The following TACC1 variants were observed in gnomAD, a reference collection of about 807,000 sequenced individuals.
The protein encoded by TACC1 is transforming acidic coiled-coil containing protein 1, also known as transforming acidic coiled-coil-containing protein 1.
A neutral mutation model predicts 84.4 loss-of-function variants in TACC1; 48 were observed. The ratio of observed to expected loss-of-function variants is 0.57; its 90% CI spans 0.45 to 0.72. The LOEUF is 0.72. Ranked by LOEUF, TACC1 falls within the 30% of genes least tolerant of loss-of-function variation. The probability of loss-of-function intolerance (pLI) is 0.00; values close to 1 mark genes in which losing one functional copy is unlikely to be tolerated. For missense variants in TACC1, 920 were observed against 973.0 expected, an observed-to-expected ratio of 0.95 and a Z score of 0.72; for synonymous variants, 372 against 376.3, an observed-to-expected ratio of 0.99 and a Z score of 0.13.
chr8:38,735,774 C>T (rs1416663798), intron 1 of TACC1, among the ~76,000 whole-genome samples: 1 of 152,138 alleles, frequency 6.6e-6, no homozygotes, highest in African/African-American at 2.4e-5. Context: ...AGAGTGTTAC[C>T]TGCTGGGCTC....
intron 6 of TACC1, among the ~76,000 whole-genome samples, chr8:38,835,582 G>A (rs1005404898): frequency 2.0e-5 from 3 of 152,234 alleles, no homozygotes; most frequent in Non-Finnish European, 4.4e-5. Context: ...AGGTCGCTGC[G>A]GAGCAGCGGA....
At chr8:38,794,562 T>TTG (rs35760071) in intron 2 of TACC1, among the ~76,000 whole-genome samples, 372 of 150,492 alleles carry the variant, frequency 2.5e-3, no homozygotes, top group African/African-American at 5.6e-3. Flanking sequence ...GTGTGTTTGT[T>TTG]TGTGTGTGTG....
At chr8:38,834,731 A>G (rs1298448462) in intron 6 of TACC1, among the ~76,000 whole-genome samples, 1 of 152,168 alleles carries the variant, frequency 6.6e-6, no homozygotes. Flanking sequence ...TCTGTTTCTG[A>G]GCATTTTCTA....
chr8:38,845,321 C>T (rs116255878), intron 11 of TACC1, among the ~76,000 whole-genome samples: 1,941 of 152,306 alleles, frequency 0.013, 38 homozygotes, highest in African/African-American at 0.044. Context: ...GTCCCCTTCC[C>T]ACTCCCATAG....
chr8:38,803,857 A>G (rs182833382), intron 2 of TACC1, among the ~76,000 whole-genome samples: 3 of 152,276 alleles, frequency 2.0e-5, no homozygotes, highest in Non-Finnish European at 4.4e-5. Context: ...AATTCTTTAA[A>G]TGTTTGGTAG....
Position 38,848,042 on chromosome 8 carries a change from T to A in TACC1, c.*19T>A. 1 of 1,608,318 alleles carries A rather than the reference T, an allele frequency of 6.2e-7. No homozygotes were observed. On this transcript the variant is annotated 3_prime_UTR_variant, in exon 13 of 13. Coordinates refer to ENST00000317827, the MANE Select transcript of TACC1 (RefSeq NM_006283.3). ...TGACTGAGACACTCCCCCTGTTAGCTCAACAGATCTGCATTTGGCTGCTTC... is the reference window on the plus strand; with the variant it reads ...TGACTGAGACACTCCCCCTGTTAGCACAACAGATCTGCATTTGGCTGCTTC...
At chr8:38,794,569 TG>T (rs1819537375) in intron 2 of TACC1, among the ~76,000 whole-genome samples, 1 of 152,174 alleles carries the variant, frequency 6.6e-6, no homozygotes, top group Non-Finnish European at 1.5e-5. Flanking sequence ...TGTTTGTGTG[TG>T]TGTGTGTGTG....
chr8:38,729,591 G>T (rs575901707), intron 1 of TACC1, among the ~76,000 whole-genome samples: 1 of 152,134 alleles, frequency 6.6e-6, no homozygotes, highest in Non-Finnish European at 1.5e-5. Context: ...TTGTGTGGCC[G>T]GGCGCGGTGG....
chr8:38,746,246 A>G (rs953568001), intron 3 of TACC1, among the ~76,000 whole-genome samples: 4 of 152,236 alleles, frequency 2.6e-5, no homozygotes, highest in Admixed American at 1.3e-4. Context: ...GAAATGGGAC[A>G]TTTCATCAGA....
rs201312554 is a variant in TACC1, at chr8:38,820,152, A to G, written c.908A>G (p.Asn303Ser). The change falls in exon 3 of 13, where the codon AAC (asparagine) becomes AGC (serine). Residue 303 changes from asparagine to serine, a missense_variant. Coordinates refer to ENST00000317827, the MANE Select transcript of TACC1 (RefSeq NM_006283.3). ...CCCGGCACTCTCAGTAGTGACACCA[A>G]CGACTCAGGGGTTGAGCTGGGGGAG... ...ETPGTLSSDT[N>S]DSGVELGEES... 1.2e-5 allele frequency: 19 copies of G among 1,614,094 alleles called. No homozygotes were observed. In the Admixed American group the frequency reaches 1.8e-4, roughly 16 times the overall value.
chr8:38,823,501 C>G (rs894826357), intron 3 of TACC1, among the ~76,000 whole-genome samples: 3 of 152,138 alleles, frequency 2.0e-5, no homozygotes, highest in African/African-American at 7.2e-5. Context: ...AAGATGAAAT[C>G]TGGGCCAAAG....
intron 3 of TACC1, 95 bp from the exon 4 acceptor site, chr8:38,825,213 T>G: frequency 7.4e-7 from 1 of 1,342,384 alleles, no homozygotes; most frequent in Non-Finnish European, 1.1e-6. Context: ...ATGCTTTGGC[T>G]TCTATCCGCA....
chr8:38,805,584 T>C (rs1563638565), intron 2 of TACC1: 1 of 152,362 alleles, frequency 6.6e-6, no homozygotes, highest in Admixed American at 6.5e-5. Context: ...CTGAATAGGC[T>C]CCTTGCACTT....
Position 38,820,068 on chromosome 8 carries a change from C to G in TACC1, c.824C>G (p.Thr275Arg). ...AGTCCTGAAGAGTTGGATGAGAACA[C>G]AAGTCCTTTGCTAGGAGATGCCAGG... ...HFSPEELDEN[T>R]SPLLGDARFQ... The change falls in exon 3 of 13, where the codon ACA becomes AGA. Residue 275 changes from threonine to arginine, a missense_variant. Transcript: ENST00000317827. The G allele has an allele frequency of 1.9e-6, 3 of 1,614,150 alleles. No individual in the cohort carries two copies. Among genetic ancestry groups the G allele is most frequent in the Non-Finnish European group, 2.5e-6 (3 of 1,180,034 alleles).
rs1415646621 is a variant in TACC1 at position 38,820,195 on chromosome 8, T to A, written c.951T>A (p.Pro317=). The A allele has an allele frequency of 6.2e-7, 1 of 1,613,986 alleles. No individual in the cohort carries two copies. The highest frequency in any genetic ancestry group is 8.5e-7 in the Non-Finnish European group (1 of 1,179,990). Residue 317 remains proline, a synonymous_variant, in exon 3 of 13, where the codon CCT becomes CCA. Transcript: ENST00000317827. ...VELGEESRSS[P]LKLEFDFTED... ...TGGGGGAGGAGTCGAGGAGCTCACC[T>A]CTCAAGCTTGAGTTTGATTTCACAG...
chr8:38,804,330 G>T (rs763705736), intron 2 of TACC1, among the ~76,000 whole-genome samples: 1 of 151,272 alleles, frequency 6.6e-6, no homozygotes, highest in Admixed American at 6.6e-5. Context: ...ATGGAATTTC[G>T]CTCTTGTCAC....
chr8:38,757,559 G>A, intron 3 of TACC1: 1 of 1,084,102 alleles, frequency 9.2e-7, no homozygotes, highest in Non-Finnish European at 1.1e-6. Context: ...CGGGGCACGA[G>A]AGTTTGGCCA....
At chr8:38,743,898 A>G (rs1038664084) in intron 2 of TACC1, 1 of 152,284 alleles carries the variant, frequency 6.6e-6, no homozygotes, top group Non-Finnish European at 1.5e-5. Flanking sequence ...ACAAAACAGA[A>G]CAAAAAAGAA....
At chr8:38,751,763 T>C (rs531702086) in intron 3 of TACC1, among the ~76,000 whole-genome samples, 1 of 152,322 alleles carries the variant, frequency 6.6e-6, no homozygotes, top group East Asian at 1.9e-4. Context: ...TGATTCGCTA[T>C]ATTGCAATAT....
Sources: allele counts gnomAD v4.1 joint callset (sites outside exome capture counted in the v4.1 genomes callset), GRCh38; gene constraint gnomAD v4.1.1; transcripts MANE v1.5; gene names NCBI Gene and HGNC (gene_info 2026-07-23, HGNC 2026-07-21).